FLACC1: variants seen among roughly 807,000 people sequenced by gnomAD.
FLACC1 encodes flagellum-associated coiled-coil domain-containing protein 1.
Under a neutral mutation model 62.8 loss-of-function variants are expected in FLACC1, and 66 were observed. That is an observed-to-expected ratio of 1.05 (90% CI 0.86 to 1.29). FLACC1 has a LOEUF of 1.29. Ranked by LOEUF, FLACC1 falls within the 50% of genes most tolerant of loss-of-function variation. The pLI is 0.00. For synonymous variants in FLACC1, 156 were observed against 161.0 expected, an observed-to-expected ratio of 0.97 and a Z score of 0.24; for missense variants, 452 against 489.1, an observed-to-expected ratio of 0.92 and a Z score of 0.71.
chr2:201,304,092 G>A (rs970948401), intron 11 of FLACC1, among the ~76,000 whole-genome samples: 36 of 152,132 alleles, frequency 2.4e-4, no homozygotes, highest in Non-Finnish European at 4.9e-4. Context: ...CAATGAGGCA[G>A]GAGAAGGAAA....
At chr2:201,340,303 ATTCT>A (rs1360719556) in intron 7 of FLACC1, among the ~76,000 whole-genome samples, 11 of 151,874 alleles carry the variant, frequency 7.2e-5, no homozygotes, top group Non-Finnish European at 1.5e-5. Flanking sequence ...TGTTTTGTAG[ATTCT>A]TTCTTCCTCT....
chr2:201,348,285 G>T lies in FLACC1; in HGVS notation c.203C>A (p.Ala68Glu). ...VVSPKMKIHSARQEETNKSFY... is the reference protein window; with the variant it reads ...VVSPKMKIHSERQEETNKSFY... ...TGATTTATTAGTCTCTTCTTGCCTT[G>T]CTGAATGGATTTTCATTCTGCAAGA... The change falls in exon 4 of 15, where the codon GCA (alanine) becomes GAA (glutamate). Residue 68 changes from alanine (A) to glutamate (E), a missense_variant. Ala to Glu is a moderately radical substitution (Grantham distance 107). Around this residue, in one of 3 missense-constraint regions of FLACC1, gnomAD observed 147 missense variants for 152.7 expected, o/e 0.96. Coordinates refer to ENST00000392257, the MANE Select transcript of FLACC1 (RefSeq NM_001127391.3). The T allele has an allele frequency of 6.2e-7, 1 of 1,612,588 alleles. No individual in the cohort carries two copies.
intron 10 of FLACC1, 79 bp from the exon 11 acceptor site, chr2:201,307,701 G>A (rs1046835236): frequency 1.3e-5 from 14 of 1,057,684 alleles, no homozygotes; most frequent in Non-Finnish European, 1.8e-5. Context: ...AATATCTAAA[G>A]ATAAAAGCAA....
chr2:201,290,409 C>T (rs1949704365), intron 12 of FLACC1, among the ~76,000 whole-genome samples: 1 of 152,058 alleles, frequency 6.6e-6, no homozygotes, highest in African/African-American at 2.4e-5. Flanking sequence ...TATATGGGAA[C>T]TCTCTGTACT....
chr2:201,357,454 G>T (rs1340906216), upstream of FLACC1: 1 of 152,228 alleles, frequency 6.6e-6, no homozygotes, highest in Non-Finnish European at 1.5e-5. Context: ...AAGAGAGAAG[G>T]TTGGGAGAAA....
rs754388321 is a variant in FLACC1 at position 201,288,606 on chromosome 2, A to G, written c.*49T>C. Reference sequence around the variant, plus strand: ...ACCCTCCCAGGAGTTTCCTGGGCCTACAGAAATGGTGTGCCAACCATCTTC... The same window carrying G: ...ACCCTCCCAGGAGTTTCCTGGGCCTGCAGAAATGGTGTGCCAACCATCTTC... On this transcript the variant is annotated 3_prime_UTR_variant, in exon 15 of 15. Coordinates refer to ENST00000392257, the MANE Select transcript of FLACC1 (RefSeq NM_001127391.3). 11 of 1,595,794 alleles carry G rather than the reference A, an allele frequency of 6.9e-6. No individual in the cohort carries two copies. The Admixed American group carries it at 1.4e-4, about 20-fold the overall frequency.
intron 11 of FLACC1, among the ~76,000 whole-genome samples, chr2:201,300,384 C>T (rs1949954282): frequency 6.6e-6 from 1 of 152,202 alleles, no homozygotes; most frequent in Non-Finnish European, 1.5e-5. Flanking sequence ...GGATGGGCGC[C>T]TGCTATTGCT....
At chr2:201,321,966 T>C (rs547424341) in intron 9 of FLACC1, among the ~76,000 whole-genome samples, 2 of 151,886 alleles carry the variant, frequency 1.3e-5, no homozygotes, top group Admixed American at 6.6e-5. Context: ...ATCAAACTAG[T>C]AAATAAAACA....
At chr2:201,360,230 C>T (rs1015440818), upstream of FLACC1, among the ~76,000 whole-genome samples, 2 of 152,178 alleles carry the variant, frequency 1.3e-5, no homozygotes, top group African/African-American at 2.4e-5. Context: ...TCAGTAACTT[C>T]GCCTAAAGCA....
At chr2:201,332,270 G>T (rs552827496) in intron 7 of FLACC1, among the ~76,000 whole-genome samples, 15 of 149,808 alleles carry the variant, frequency 1.0e-4, no homozygotes, top group South Asian at 2.1e-4. Context: ...TTTTTCAGAC[G>T]TAGTCTCTGG....
intron 12 of FLACC1, among the ~76,000 whole-genome samples, chr2:201,295,116 C>T (rs932688927): frequency 6.6e-6 from 1 of 152,102 alleles, no homozygotes; most frequent in African/African-American, 2.4e-5. Context: ...CAATGCCATC[C>T]CCATCAAGCT....
At chr2:201,298,542 T>C (rs770592877) in intron 12 of FLACC1, among the ~76,000 whole-genome samples, 61 of 152,322 alleles carry the variant, frequency 4.0e-4, no homozygotes, top group African/African-American at 9.1e-4. Context: ...GTTATTATAA[T>C]ACACTGGGTA....
intron 1 of FLACC1, among the ~76,000 whole-genome samples, chr2:201,354,929 T>C (rs75123007): frequency 0.033 from 5,063 of 152,294 alleles, 242 homozygotes; most frequent in African/African-American, 0.1. Context: ...GATGAATATT[T>C]CTTACCTGAC....
intron 12 of FLACC1, among the ~76,000 whole-genome samples, chr2:201,298,195 T>C (rs1480423858): frequency 6.6e-6 from 1 of 152,148 alleles, no homozygotes; most frequent in Non-Finnish European, 1.5e-5. Flanking sequence ...TGGTGTCAAG[T>C]ACTCAGAGGG....
chr2:201,293,379 C>T (rs571531918), intron 12 of FLACC1, among the ~76,000 whole-genome samples: 1 of 152,284 alleles, frequency 6.6e-6, no homozygotes, highest in Non-Finnish European at 1.5e-5. Flanking sequence ...CACTCAAAAC[C>T]ACACAACTAC....
chr2:201,343,626 C>G (rs1408350363), intron 6 of FLACC1, among the ~76,000 whole-genome samples: 1 of 152,144 alleles, frequency 6.6e-6, no homozygotes, highest in Non-Finnish European at 1.5e-5. Context: ...CACTCCAGGC[C>G]AGGCCAACAG....
chr2:201,319,657 T>C (rs191756605), intron 9 of FLACC1, among the ~76,000 whole-genome samples: 45 of 152,150 alleles, frequency 3.0e-4, no homozygotes, highest in African/African-American at 9.9e-4. Context: ...ACTTAAACAA[T>C]TGAACAAGCA....
chr2:201,288,511 A>T lies in FLACC1; in HGVS notation c.*144T>A. 1 of 993,884 alleles carries T rather than the reference A, an allele frequency of 1.0e-6. No homozygotes were observed. Among genetic ancestry groups the T allele is most frequent in the Non-Finnish European group, 1.4e-6 (1 of 698,334 alleles). 61.6% of individuals were successfully genotyped at this position (993,884 alleles called of 1,614,324 possible). A position where few individuals can be genotyped will look rare whatever the true frequency, so the allele number is the denominator to read the frequency against. On this transcript the variant is annotated 3_prime_UTR_variant, in exon 15 of 15. Coordinates refer to ENST00000392257, the MANE Select transcript of FLACC1 (RefSeq NM_001127391.3). ...CTGTGAAATTCAGATGCGAATTCAA[A>T]CATTTTCAGACATTCAGAGAGTCAG...
Position 201,307,601 on chromosome 2 carries a change from A to G in FLACC1, c.797T>C (p.Phe266Ser), listed in dbSNP as rs375206616. 4 of 1,613,980 alleles carry G rather than the reference A, an allele frequency of 2.5e-6. No individual in the cohort carries two copies. Among genetic ancestry groups the G allele is most frequent in the Non-Finnish European group, 3.4e-6 (4 of 1,179,872 alleles). ...ATCTTCTTCTCCTGACTCCATTTCG[A>G]ATTTTTTGGTCATCTTTTTTTCTGT... ...LQQKKKMTKK[F>S]EMESGEEDKK... Residue 266 changes from phenylalanine (F) to serine (S), a missense_variant, in exon 11 of 15, where the codon TTC becomes TCC. Phe to Ser is a radical substitution (Grantham distance 155). Around this residue, in one of 3 missense-constraint regions of FLACC1, gnomAD observed 301 missense variants for 318.4 expected, o/e 0.95. Coordinates refer to ENST00000392257, the MANE Select transcript of FLACC1 (RefSeq NM_001127391.3).
Sources: allele counts gnomAD v4.1 joint callset (sites outside exome capture counted in the v4.1 genomes callset), GRCh38; gene constraint gnomAD v4.1.1; regional missense constraint gnomAD v4.1.1; transcripts MANE v1.5; gene names NCBI Gene and HGNC (gene_info 2026-07-23, HGNC 2026-07-21).